ZNF385D: variants seen among roughly 807,000 people sequenced by gnomAD.
ZNF385D encodes zinc finger protein 385D, also known as zinc finger protein 659.
In ZNF385D, 15 loss-of-function variants were observed where a neutral mutation model predicts 35.8. The ratio of observed to expected loss-of-function variants is 0.42; its 90% CI spans 0.28 to 0.64. The LOEUF (loss-of-function observed/expected upper bound fraction) is 0.64, where lower values mean the gene tolerates loss of function less well. Among genes scored for constraint, ZNF385D ranks in the 30% least tolerant of loss-of-function variants. ZNF385D has a pLI of 0.23. For synonymous variants in ZNF385D, 212 were observed against 186.8 expected, an observed-to-expected ratio of 1.13 and a Z score of -1.10; for missense variants, 474 against 494.6, an observed-to-expected ratio of 0.96 and a Z score of 0.39.
intron 2 of ZNF385D, among the ~76,000 whole-genome samples, chr3:22,210,424 T>C (rs907484625): frequency 2.0e-5 from 3 of 151,788 alleles, no homozygotes; most frequent in African/African-American, 4.8e-5. Flanking sequence ...TTAACACGAA[T>C]CAGCTTAAGG....
chr3:22,368,776 T>C (rs542184808), intron 2 of ZNF385D, among the ~76,000 whole-genome samples: 2 of 152,220 alleles, frequency 1.3e-5, no homozygotes, highest in Non-Finnish European at 1.5e-5. Flanking sequence ...TCAAATACTA[T>C]CCCATTAAGG....
chr3:22,046,001 A>T (rs972749034), intron 3 of ZNF385D, among the ~76,000 whole-genome samples: 1 of 152,136 alleles, frequency 6.6e-6, no homozygotes, highest in Non-Finnish European at 1.5e-5. Flanking sequence ...AGGGAATCTG[A>T]ATGACTGAAC....
At chr3:21,460,930 G>A (rs914330262) in intron 4 of ZNF385D, among the ~76,000 whole-genome samples, 3 of 152,092 alleles carry the variant, frequency 2.0e-5, no homozygotes, top group African/African-American at 7.2e-5. Context: ...GTTTAGCACT[G>A]TACAGTGTGC....
intron 2 of ZNF385D, among the ~76,000 whole-genome samples, chr3:21,622,790 A>G (rs2065041444): frequency 6.6e-6 from 1 of 152,078 alleles, no homozygotes; most frequent in African/African-American, 2.4e-5. Flanking sequence ...TAATACTTCT[A>G]TAACCTAGGC....
intron 3 of ZNF385D, among the ~76,000 whole-genome samples, chr3:22,025,600 A>G (rs531988788): frequency 6.6e-6 from 1 of 152,302 alleles, no homozygotes; most frequent in Non-Finnish European, 1.5e-5. Context: ...CAGGGAGTTT[A>G]AAAAGGTTCT....
At chr3:21,993,795 A>G (rs1695296662) in intron 3 of ZNF385D, among the ~76,000 whole-genome samples, 1 of 152,196 alleles carries the variant, frequency 6.6e-6, no homozygotes, top group Non-Finnish European at 1.5e-5. Context: ...TGTCAAGACC[A>G]CATATAGCGT....
At chr3:22,277,453 A>G (rs1308649707) in intron 2 of ZNF385D, among the ~76,000 whole-genome samples, 2 of 152,146 alleles carry the variant, frequency 1.3e-5, no homozygotes, top group Admixed American at 6.6e-5. Context: ...CACAAACAAT[A>G]AAATCTTCAA....
chr3:21,667,700 A>C (rs1287840041), intron 1 of ZNF385D, among the ~76,000 whole-genome samples: 1 of 152,236 alleles, frequency 6.6e-6, no homozygotes, highest in Admixed American at 6.5e-5. Context: ...TGTTTATTTT[A>C]AGTCCTCCTC....
At chr3:22,325,041 TAATTA>T (rs753907666) in intron 2 of ZNF385D, among the ~76,000 whole-genome samples, 5 of 152,218 alleles carry the variant, frequency 3.3e-5, no homozygotes, top group Admixed American at 6.5e-5. Flanking sequence ...TTTGCTCTGA[TAATTA>T]AATAATGAAA....
At chr3:22,199,288 G>A (rs1696626274) in intron 2 of ZNF385D, among the ~76,000 whole-genome samples, 1 of 152,060 alleles carries the variant, frequency 6.6e-6, no homozygotes, top group African/African-American at 2.4e-5. Flanking sequence ...TCAGATCAGA[G>A]AAACATGTGG....
intron 3 of ZNF385D, among the ~76,000 whole-genome samples, chr3:21,877,649 G>C (rs941035427): frequency 4.6e-5 from 7 of 152,002 alleles, no homozygotes; most frequent in African/African-American, 1.7e-4. Context: ...TTAGTACTTA[G>C]TTAATAAAGC....
At chr3:21,565,837 T>C (rs1355753157) in intron 2 of ZNF385D, among the ~76,000 whole-genome samples, 1 of 152,222 alleles carries the variant, frequency 6.6e-6, no homozygotes, top group African/African-American at 2.4e-5. Flanking sequence ...TCAGAAATTA[T>C]TTGATACACT....
chr3:22,316,552 A>C (rs1446833826), intron 2 of ZNF385D, among the ~76,000 whole-genome samples: 4 of 152,312 alleles, frequency 2.6e-5, no homozygotes, highest in African/African-American at 7.2e-5. Context: ...AGGAGCTATA[A>C]GCTTAAATGC....
chr3:21,433,239 T>C (rs1575135585), intron 5 of ZNF385D, among the ~76,000 whole-genome samples: 1 of 152,184 alleles, frequency 6.6e-6, no homozygotes, highest in East Asian at 1.9e-4. Flanking sequence ...GTCATTTGTT[T>C]AGAATTCAGA....
At chr3:22,272,998 A>G (rs1701254373) in intron 2 of ZNF385D, among the ~76,000 whole-genome samples, 2 of 152,016 alleles carry the variant, frequency 1.3e-5, no homozygotes, top group South Asian at 2.1e-4. Context: ...TCCTAGATAT[A>G]TAGCATGCTT....
At chr3:21,596,918 C>T (rs192876686) in intron 2 of ZNF385D, among the ~76,000 whole-genome samples, 1 of 152,180 alleles carries the variant, frequency 6.6e-6, no homozygotes, top group East Asian at 1.9e-4. Flanking sequence ...CATTCCTTGG[C>T]TTCTCCCTTC....
chr3:21,981,513 G>A (rs112687852), intron 3 of ZNF385D, among the ~76,000 whole-genome samples: 3,468 of 152,084 alleles, frequency 0.023, 75 homozygotes, highest in Middle Eastern at 0.092. Flanking sequence ...CATTCCGTAG[G>A]TTGTTTATCC....
chr3:21,964,649 C>G (rs1184194381), intron 3 of ZNF385D, among the ~76,000 whole-genome samples: 4 of 151,640 alleles, frequency 2.6e-5, no homozygotes, highest in Non-Finnish European at 5.9e-5. Context: ...GCCACCATGC[C>G]CTGCTAATTT....
intron 3 of ZNF385D, among the ~76,000 whole-genome samples, chr3:22,002,526 CTCTA>C (rs960143338): frequency 6.6e-6 from 1 of 152,022 alleles, no homozygotes; most frequent in Non-Finnish European, 1.5e-5. Flanking sequence ...AAAAACTCTT[CTCTA>C]TCTATTCCAA....
Sources: allele counts gnomAD v4.1 joint callset (sites outside exome capture counted in the v4.1 genomes callset), GRCh38; gene constraint gnomAD v4.1.1; transcripts MANE v1.5; gene names NCBI Gene and HGNC (gene_info 2026-07-23, HGNC 2026-07-21).